Variants in ZCWPW1 observed in about 807,000 individuals in gnomAD.
The protein encoded by ZCWPW1 is zinc finger CW-type and PWWP domain containing 1.
A neutral mutation model predicts 81.3 loss-of-function variants in ZCWPW1; 56 were observed. The ratio of observed to expected loss-of-function variants is 0.69; its 90% CI spans 0.56 to 0.86. The LOEUF (loss-of-function observed/expected upper bound fraction) is 0.86, where lower values mean the gene tolerates loss of function less well. Ranked by LOEUF, ZCWPW1 falls within the 40% of genes least tolerant of loss-of-function variation. The probability of loss-of-function intolerance (pLI) is 0.00; values close to 1 mark genes in which losing one functional copy is unlikely to be tolerated. For synonymous variants in ZCWPW1, 250 were observed against 273.7 expected, an observed-to-expected ratio of 0.91 and a Z score of 0.86; for missense variants, 650 against 769.8, an observed-to-expected ratio of 0.84 and a Z score of 1.84.
chr7:100,410,188 A>G (rs1793895870), intron 8 of ZCWPW1, among the ~76,000 whole-genome samples: 2 of 152,056 alleles, frequency 1.3e-5, no homozygotes, highest in African/African-American at 4.8e-5. Flanking sequence ...AAGCTGACCC[A>G]TGTCCCTCAG....
chr7:100,409,701 C>G (rs1793797158), intron 8 of ZCWPW1, among the ~76,000 whole-genome samples, 157 bp from the exon 9 acceptor site: 2 of 152,256 alleles, frequency 1.3e-5, no homozygotes, highest in South Asian at 4.1e-4. Flanking sequence ...AGAGGGAAAC[C>G]AAGGCTCAAA....
intron 5 of ZCWPW1, 165 bp from the exon 6 acceptor site, chr7:100,417,348 TG>T (rs1795470972): frequency 7.1e-6 from 4 of 564,548 alleles, no homozygotes; most frequent in African/African-American, 1.9e-5. Flanking sequence ...ACTACAAATA[TG>T]TATCTTTCTG....
intron 4 of ZCWPW1, 73 bp from the exon 5 acceptor site, chr7:100,419,262 C>T (rs1250977436): frequency 7.4e-7 from 1 of 1,346,900 alleles, no homozygotes; most frequent in East Asian, 2.3e-5. Flanking sequence ...GTCAGGGAAG[C>T]CTCCTTCAGA....
At position 100,401,133 on chromosome 7, in the gene ZCWPW1, T is replaced by C. The variant is rs749659554; in HGVS notation, c.1831A>G (p.Ser611Gly). The C allele has an allele frequency of 2.5e-6, 4 of 1,614,246 alleles. No individual in the cohort carries two copies. Among genetic ancestry groups the C allele is most frequent in the South Asian group, 1.1e-5 (1 of 91,084 alleles). The change falls in exon 18 of 18, where the codon AGT (serine) becomes GGT (glycine). Residue 611 changes from serine to glycine, a missense_variant. Ser to Gly is a moderately conservative substitution (Grantham distance 56). Coordinates refer to ENST00000684423, the MANE Select transcript of ZCWPW1 (RefSeq NM_001386010.1). ...GSVPLEDEAS[S>G]DLDLEQLMED... ...ATGAGTTGCTCCAGGTCCAGGTCAC[T>C]GGAGGCTTCGTCCTCAAGGGGGACA...
At chr7:100,404,338 G>C (rs1792538111) in intron 13 of ZCWPW1, 94 bp from the exon 14 acceptor site, 2 of 1,164,624 alleles carry the variant, frequency 1.7e-6, no homozygotes, top group African/African-American at 1.6e-5. Flanking sequence ...ATGAAATTCT[G>C]ATTCATTTTC....
intron 14 of ZCWPW1, 130 bp downstream of exon 14, chr7:100,404,048 G>C: frequency 2.0e-6 from 2 of 992,120 alleles, no homozygotes; most frequent in Non-Finnish European, 3.0e-6. Flanking sequence ...ACATTCACAA[G>C]AGCCTCCTAT....
intron 8 of ZCWPW1, among the ~76,000 whole-genome samples, chr7:100,413,159 TTTAAA>T (rs1219811702): frequency 6.6e-6 from 1 of 152,206 alleles, no homozygotes; most frequent in African/African-American, 2.4e-5. Context: ...AAAGGATCCT[TTTAAA>T]ACATTAATGT....
rs184734333 is a variant in ZCWPW1 at position 100,403,279 on chromosome 7, G to A, written c.1413+415C>T. On this transcript the variant is annotated intron_variant, in intron 15 of 17. Transcript: ENST00000684423. ...TGCCCAGGCTGGAGTGCAGTGGCGCGATCTTGCCTCACTGCAAGTTCTGCC... is the reference window on the plus strand; with the variant it reads ...TGCCCAGGCTGGAGTGCAGTGGCGCAATCTTGCCTCACTGCAAGTTCTGCC... 2.9e-3 allele frequency among the ~76,000 whole-genome samples: 438 copies of A among 150,862 alleles called. 2 individuals carry two copies. The highest frequency in any genetic ancestry group is 0.01 in the African/African-American group (413 of 41,028).
intron 10 of ZCWPW1, among the ~76,000 whole-genome samples, chr7:100,407,628 A>G (rs1231070676): frequency 9.9e-5 from 15 of 152,120 alleles, no homozygotes; most frequent in Admixed American, 9.2e-4. Flanking sequence ...CCTGGGTTCA[A>G]GCAATCCTCC....
chr7:100,414,283 A>G (rs946294104), intron 8 of ZCWPW1, among the ~76,000 whole-genome samples: 1 of 152,246 alleles, frequency 6.6e-6, no homozygotes, highest in African/African-American at 2.4e-5. Context: ...ATATATGTAC[A>G]CATACAGATT....
intron 2 of ZCWPW1, among the ~76,000 whole-genome samples, chr7:100,421,971 C>T (rs113041188): frequency 0.033 from 5,047 of 152,226 alleles, 292 homozygotes; most frequent in African/African-American, 0.12. Flanking sequence ...GGATTACAGA[C>T]GTGAGCCACT....
intron 15 of ZCWPW1, 143 bp from the exon 16 acceptor site, chr7:100,402,719 C>A: frequency 1.2e-6 from 1 of 831,890 alleles, no homozygotes. Flanking sequence ...AAATTTCTGG[C>A]AACACAGAGA....
intron 2 of ZCWPW1, among the ~76,000 whole-genome samples, chr7:100,422,858 T>C (rs1276240447): frequency 6.6e-6 from 1 of 152,210 alleles, no homozygotes; most frequent in Non-Finnish European, 1.5e-5. Flanking sequence ...CTGCGTTAAT[T>C]CACTTAGGAT....
At chr7:100,411,543 A>G (rs1433223469) in intron 8 of ZCWPW1, among the ~76,000 whole-genome samples, 3 of 152,228 alleles carry the variant, frequency 2.0e-5, no homozygotes. Flanking sequence ...TGCTGGGATT[A>G]CAGGGGTGAG....
intron 8 of ZCWPW1, among the ~76,000 whole-genome samples, chr7:100,414,793 G>C (rs1423170800): frequency 1.3e-5 from 2 of 152,084 alleles, no homozygotes; most frequent in East Asian, 3.9e-4. Flanking sequence ...TTAGGAGGCC[G>C]AAGCGGGCAG....
chr7:100,402,321 C>T, intron 16 of ZCWPW1, 195 bp downstream of exon 16: 1 of 850,696 alleles, frequency 1.2e-6, no homozygotes, highest in Non-Finnish European at 2.0e-6. Flanking sequence ...TTCCATCTTT[C>T]ACCTCAGATT....
intron 8 of ZCWPW1, among the ~76,000 whole-genome samples, chr7:100,410,318 T>G (rs954651791): frequency 6.6e-6 from 1 of 152,144 alleles, no homozygotes; most frequent in South Asian, 2.1e-4. Flanking sequence ...TTCTGAAGCC[T>G]GGAGACCCAC....
chr7:100,401,801 C>T, intron 17 of ZCWPW1, 88 bp downstream of exon 17: 1 of 1,486,598 alleles, frequency 6.7e-7, no homozygotes, highest in South Asian at 1.3e-5. Flanking sequence ...TAATGAAAAG[C>T]TGTAAAATGG....
intron 13 of ZCWPW1, among the ~76,000 whole-genome samples, 158 bp from the exon 14 acceptor site, chr7:100,404,402 C>T (rs528071412): frequency 1.3e-5 from 2 of 152,182 alleles, no homozygotes; most frequent in East Asian, 3.9e-4. Flanking sequence ...GCTCTGTCAC[C>T]CAGGCTGGAG....
Sources: allele counts gnomAD v4.1 joint callset (sites outside exome capture counted in the v4.1 genomes callset), GRCh38; gene constraint gnomAD v4.1.1; transcripts MANE v1.5; gene names NCBI Gene and HGNC (gene_info 2026-07-23, HGNC 2026-07-21).